The following RALGPS1 variants were observed in gnomAD, a reference collection of about 807,000 sequenced individuals.
The protein encoded by RALGPS1 is ras-specific guanine nucleotide-releasing factor RalGPS1.
Under a neutral mutation model 78.8 loss-of-function variants are expected in RALGPS1, and 19 were observed. The observed-to-expected ratio is 0.24, with a 90% CI of 0.17 to 0.35. The LOEUF (loss-of-function observed/expected upper bound fraction) is 0.35. RALGPS1 is among the 10% of genes least tolerant of loss of function. The probability of loss-of-function intolerance (pLI) is 1.00; values close to 1 mark genes in which losing one functional copy is unlikely to be tolerated. For synonymous variants in RALGPS1, 228 were observed against 256.3 expected (o/e 0.89, Z 1.06); for missense variants, 454 against 688.3 (o/e 0.66, Z 3.81).
At chr9:127,008,705 A>G (rs2044081942) in intron 4 of RALGPS1, among the ~76,000 whole-genome samples, 2 of 152,206 alleles carry the variant, frequency 1.3e-5, no homozygotes, top group Non-Finnish European at 2.9e-5. Flanking sequence ...TACCACAACC[A>G]GATATGTAAA....
chr9:127,029,273 C>T (rs1466336677), intron 4 of RALGPS1, among the ~76,000 whole-genome samples: 1 of 152,058 alleles, frequency 6.6e-6, no homozygotes, highest in African/African-American at 2.4e-5. Context: ...CCAGTCAGAC[C>T]CACTCTGGTC....
chr9:127,002,762 C>A (rs2043460349), intron 4 of RALGPS1, among the ~76,000 whole-genome samples: 2 of 151,072 alleles, frequency 1.3e-5, no homozygotes, highest in Non-Finnish European at 3.0e-5. Flanking sequence ...CATGTCCTTA[C>A]AAAGGACATG....
intron 7 of RALGPS1, among the ~76,000 whole-genome samples, chr9:127,059,309 G>A (rs935809356): frequency 5.9e-5 from 9 of 152,028 alleles, no homozygotes; most frequent in African/African-American, 1.9e-4. Context: ...CAGATGAGGC[G>A]ATAAGGAGAT....
rs138636913 is a variant in RALGPS1, at chr9:126,962,367, G to A, written c.57+21G>A. 8.1e-6 allele frequency: 13 copies of A among 1,613,344 alleles called. No homozygotes were observed. The Admixed American group carries it at 1.5e-4, about 19-fold the overall frequency. On this transcript the variant is annotated intron_variant, in intron 2 of 18. Transcript: ENST00000259351. ...CACAGGTACTGAGGCTGCAAGAATC[G>A]GGACAGTGGGTAGAGGGGTCTCCTT...
chr9:127,130,680 G>A (rs895156606), intron 8 of RALGPS1, among the ~76,000 whole-genome samples: 3 of 152,312 alleles, frequency 2.0e-5, no homozygotes, highest in African/African-American at 7.2e-5. Flanking sequence ...TATTCACTGA[G>A]CACTTATTGA....
chr9:127,168,415 T>TA (rs894262578), intron 9 of RALGPS1, among the ~76,000 whole-genome samples: 3 of 152,188 alleles, frequency 2.0e-5, no homozygotes, highest in East Asian at 1.9e-4. Context: ...CCTTCCTGGC[T>TA]AAAAAAACAT....
At chr9:127,164,732 GT>G (rs2059205686) in intron 8 of RALGPS1, among the ~76,000 whole-genome samples, 2 of 150,496 alleles carry the variant, frequency 1.3e-5, no homozygotes, top group South Asian at 4.2e-4. Context: ...TAGAGACGGG[GT>G]TTTGTCATGT....
At chr9:126,987,109 G>A (rs1191427026) in intron 4 of RALGPS1, among the ~76,000 whole-genome samples, 2 of 152,124 alleles carry the variant, frequency 1.3e-5, no homozygotes, top group Non-Finnish European at 2.9e-5. Flanking sequence ...CCCAGAGGAG[G>A]TGATACCTGT....
Position 127,173,323 on chromosome 9 carries a change from C to T in RALGPS1, c.843-1392C>T, listed in dbSNP as rs142852296. On this transcript the variant is annotated intron_variant, in intron 10 of 18. Coordinates refer to ENST00000259351, the MANE Select transcript of RALGPS1 (RefSeq NM_014636.3). ...TTCCTTAGCAGCTGGTGCCATTCAG[C>T]AGAGGGAGCGATAAGGACCCCCACT... Among the ~76,000 whole-genome samples, 789 of 152,294 alleles carry T rather than the reference C, an allele frequency of 5.2e-3. 3 individuals carry two copies. The highest frequency in any genetic ancestry group is 0.011 in the South Asian group (52 of 4,816).
intron 3 of RALGPS1, among the ~76,000 whole-genome samples, chr9:126,969,016 C>A (rs906419335): frequency 3.3e-5 from 5 of 151,694 alleles, no homozygotes; most frequent in Non-Finnish European, 5.9e-5. Context: ...CCATTGCACT[C>A]CAGCCTGGGC....
At chr9:127,035,986 C>T (rs1330458721) in intron 5 of RALGPS1, among the ~76,000 whole-genome samples, 1 of 152,100 alleles carries the variant, frequency 6.6e-6, no homozygotes, top group Non-Finnish European at 1.5e-5. Context: ...CAACTCAGTC[C>T]CCACCTCTGA....
chr9:127,015,608 C>T (rs1307998428), intron 4 of RALGPS1, among the ~76,000 whole-genome samples: 3 of 152,080 alleles, frequency 2.0e-5, no homozygotes, highest in African/African-American at 7.2e-5. Flanking sequence ...TGGGGCTACA[C>T]GGTTTGGGTC....
intron 8 of RALGPS1, among the ~76,000 whole-genome samples, chr9:127,072,338 A>G (rs578154118): frequency 6.6e-6 from 1 of 152,206 alleles, no homozygotes; most frequent in South Asian, 2.1e-4. Context: ...TCAGCCTCCC[A>G]AGTAGCTGGG....
At position 127,219,180 on chromosome 9, in the gene RALGPS1, G is replaced by T; in HGVS notation, c.*411G>T. 1 of 250,252 alleles carries T rather than the reference G, an allele frequency of 4.0e-6. No homozygotes were observed. The highest frequency in any genetic ancestry group is 7.9e-6 in the Non-Finnish European group (1 of 126,522). The allele number at this position is 250,252 out of a possible 1,614,324, so 15.5% of individuals were successfully genotyped here. On this transcript the variant is annotated 3_prime_UTR_variant, in exon 19 of 19. Transcript: ENST00000259351. The surrounding 1 kb of genome is among the most constrained non-coding windows in gnomAD (Gnocchi z 5.0). ...GTGGAACAGGCTTTTTACACCCCAA[G>T]TGCATGGGGTTGCTCGCCCACAGGG... is the stretch of plus-strand genomic sequence containing the variant.
intron 14 of RALGPS1, chr9:127,210,495 G>A: frequency 1.7e-6 from 1 of 588,902 alleles, no homozygotes; most frequent in Non-Finnish European, 3.0e-6. Context: ...GACTCTGAGG[G>A]GTGCTGTGTT....
At chr9:127,021,242 T>C (rs1183285245) in intron 4 of RALGPS1, among the ~76,000 whole-genome samples, 2 of 152,078 alleles carry the variant, frequency 1.3e-5, no homozygotes, top group African/African-American at 2.4e-5. Flanking sequence ...TGGCTCGCAG[T>C]TGTAATCCCA....
chr9:126,966,714 T>C (rs1233165906), intron 3 of RALGPS1, among the ~76,000 whole-genome samples: 1 of 152,156 alleles, frequency 6.6e-6, no homozygotes, highest in Non-Finnish European at 1.5e-5. Context: ...TATGTATACT[T>C]TCTATATTTT....
At chr9:126,918,119 C>T (rs916284045) in intron 1 of RALGPS1, among the ~76,000 whole-genome samples, 2 of 152,058 alleles carry the variant, frequency 1.3e-5, no homozygotes, top group African/African-American at 2.4e-5. Flanking sequence ...GTTTCTGTAC[C>T]CTTAACATAC....
chr9:127,108,287 G>C (rs568583240), intron 8 of RALGPS1: 2 of 1,613,968 alleles, frequency 1.2e-6, no homozygotes, highest in Non-Finnish European at 1.7e-6. Context: ...GCGTTGTCCC[G>C]CTTGCGGATG....
Sources: gnomAD v4.1 joint callset for allele counts (sites outside exome capture counted in the v4.1 genomes callset) on GRCh38, gnomAD v4.1.1 for gene constraint, Gnocchi (gnomAD v3.1) non-coding constraint, MANE v1.5 for transcripts, NCBI Gene and HGNC (gene_info 2026-07-23, HGNC 2026-07-21) for gene names.